KIRREL3: variants seen among roughly 807,000 people sequenced by gnomAD.
KIRREL3 encodes the protein kin of IRRE-like protein 3.
Under a neutral mutation model 89.7 loss-of-function variants are expected in KIRREL3, and 36 were observed. That is an observed-to-expected ratio of 0.40 (90% CI 0.31 to 0.53). The LOEUF (loss-of-function observed/expected upper bound fraction) is 0.53, where lower values mean the gene tolerates loss of function less well. Among genes scored for constraint, KIRREL3 ranks in the 20% least tolerant of loss-of-function variants. KIRREL3 has a pLI of 0.49. For missense variants in KIRREL3, 864 were observed against 1,056.6 expected (o/e 0.82, Z 2.53); for synonymous variants, 445 against 441.4 (o/e 1.01, Z -0.10).
chr11:126,735,619 A>G (rs939068487), intron 1 of KIRREL3, among the ~76,000 whole-genome samples: 2 of 152,246 alleles, frequency 1.3e-5, no homozygotes, highest in African/African-American at 4.8e-5. Flanking sequence ...GGCAGCTGTC[A>G]GGCCCCAGAA....
chr11:126,435,365 T>G (rs2134161130), intron 12 of KIRREL3, 62 bp from the exon 13 acceptor site: 232 of 1,485,744 alleles, frequency 1.6e-4, no homozygotes, highest in Non-Finnish European at 1.9e-4. Flanking sequence ...GGGGTGGGAC[T>G]GGGAATTAGC....
chr11:126,660,923 G>A (rs982250645), intron 1 of KIRREL3, among the ~76,000 whole-genome samples: 5 of 152,182 alleles, frequency 3.3e-5, no homozygotes, highest in Admixed American at 6.5e-5. Context: ...GCAGAGTGAG[G>A]ATGAGATAGA....
rs748237989 is a variant in KIRREL3, at chr11:126,870,302, C to T, written c.55+130153G>A. On this transcript the variant is annotated intron_variant, in intron 1 of 16. Transcript: ENST00000525144. The surrounding 1 kb of genome is among the most constrained non-coding windows in gnomAD (Gnocchi z 4.4). ...GCCTGTGCCATGTACTGCAAGACAG[C>T]TGGGATTGTCATGGACATCAATATG... is the stretch of plus-strand genomic sequence containing the variant. Among the ~76,000 whole-genome samples, 10 of 152,210 alleles carry T rather than the reference C, an allele frequency of 6.6e-5. No individual in the cohort carries two copies. The highest frequency in any genetic ancestry group is 1.3e-4 in the Non-Finnish European group (9 of 68,044).
chr11:126,682,117 T>C lies in KIRREL3; in HGVS notation c.56-119205A>G, dbSNP rs565328445. 1.3e-4 allele frequency: 44 copies of C among 334,498 alleles called. No homozygotes were observed. Among genetic ancestry groups the C allele is most frequent in the South Asian group, 9.8e-4 (40 of 40,884 alleles). The allele number at this position is 334,498 out of a possible 1,614,324, so 20.7% of individuals were successfully genotyped here. On this transcript the variant is annotated intron_variant, in intron 1 of 16. Coordinates refer to ENST00000525144, the MANE Select transcript of KIRREL3 (RefSeq NM_032531.4). This position sits in a 1 kb window ranked among gnomAD's most constrained non-coding sequence, Gnocchi z 4.8. ...CTCCCTCCTGTGACCACCGAAAAGG[T>C]CATATTTAGGACCTGGGTGAAGGAA... is the stretch of plus-strand genomic sequence containing the variant.
chr11:126,886,891 C>T (rs1037760371), intron 1 of KIRREL3, among the ~76,000 whole-genome samples: 6 of 152,146 alleles, frequency 3.9e-5, no homozygotes, highest in Non-Finnish European at 5.9e-5. Context: ...CAGGAAAATT[C>T]ACATTCCAAT....
Position 126,565,479 on chromosome 11 carries a change from G to A in KIRREL3, c.56-2567C>T, listed in dbSNP as rs530727697. ...ATTTGGCTCATTTAATTTGACACGCGTGGGTTAGTCTTAATTATTTAGGCG... is the reference window on the plus strand; with the variant it reads ...ATTTGGCTCATTTAATTTGACACGCATGGGTTAGTCTTAATTATTTAGGCG... On this transcript the variant is annotated intron_variant, in intron 1 of 16. Coordinates refer to ENST00000525144, the MANE Select transcript of KIRREL3 (RefSeq NM_032531.4). This position sits in a 1 kb window ranked among gnomAD's most constrained non-coding sequence, Gnocchi z 5.4. Among the ~76,000 whole-genome samples the A allele has an allele frequency of 5.9e-5, 9 of 152,174 alleles. No individual in the cohort carries two copies. Among genetic ancestry groups the A allele is most frequent in the Admixed American group, 1.3e-4 (2 of 15,284 alleles).
chr11:126,556,253 T>C (rs2134557674), intron 2 of KIRREL3, among the ~76,000 whole-genome samples: 1 of 151,246 alleles, frequency 6.6e-6, no homozygotes, highest in Admixed American at 6.6e-5. Context: ...TGGCATGAGA[T>C]GGAGAGAGGA....
intron 1 of KIRREL3, among the ~76,000 whole-genome samples, chr11:126,921,844 C>T (rs1020061809): frequency 6.7e-6 from 1 of 150,102 alleles, no homozygotes; most frequent in Non-Finnish European, 1.5e-5. Flanking sequence ...TATTATCTAT[C>T]TATCATCTAT....
At chr11:126,701,689 G>C (rs878869710) in intron 1 of KIRREL3, among the ~76,000 whole-genome samples, 1 of 152,110 alleles carries the variant, frequency 6.6e-6, no homozygotes, top group Non-Finnish European at 1.5e-5. Flanking sequence ...GAGGGTGGAG[G>C]AGGTGGGCTG....
chr11:126,746,501 G>A (rs1417611206), intron 1 of KIRREL3, among the ~76,000 whole-genome samples: 1 of 152,078 alleles, frequency 6.6e-6, no homozygotes, highest in African/African-American at 2.4e-5. Context: ...TGACTTGCCA[G>A]ACATCTCTAC....
intron 1 of KIRREL3, among the ~76,000 whole-genome samples, chr11:126,963,264 A>G (rs1023063097): frequency 3.3e-5 from 5 of 151,866 alleles, no homozygotes; most frequent in African/African-American, 1.2e-4. Flanking sequence ...AAATAAAGGA[A>G]GTGTTAGCCT....
At position 126,655,172 on chromosome 11, in the gene KIRREL3, G is replaced by A. The variant is rs1348967075; in HGVS notation, c.56-92260C>T. 6.6e-6 allele frequency among the ~76,000 whole-genome samples: 1 copy of A among 152,212 alleles called. No individual in the cohort carries two copies. The highest frequency in any genetic ancestry group is 2.4e-5 in the African/African-American group (1 of 41,446). On this transcript the variant is annotated intron_variant, in intron 1 of 16. Coordinates refer to ENST00000525144, the MANE Select transcript of KIRREL3 (RefSeq NM_032531.4). The surrounding 1 kb of genome is among the most constrained non-coding windows in gnomAD (Gnocchi z 5.0). ...GATGGAGAAGAAAGTGCAGGGTTGG[G>A]GTACGGGGAAAGGGGTAAGAAAGGA...
chr11:126,674,296 G>A (rs557774342), intron 1 of KIRREL3, among the ~76,000 whole-genome samples: 1 of 152,268 alleles, frequency 6.6e-6, no homozygotes, highest in East Asian at 1.9e-4. Flanking sequence ...GGCATACTAG[G>A]TGATCTCCAT....
At chr11:126,511,077 T>TGTGTGTGTG in intron 4 of KIRREL3, among the ~76,000 whole-genome samples, 3 of 97,122 alleles carry the variant, frequency 3.1e-5, no homozygotes, top group Admixed American at 1.1e-4. Flanking sequence ...GTGTGTGTGT[T>TGTGTGTGTG]GGAGCAGAAC....
chr11:126,796,389 C>A lies in KIRREL3; in HGVS notation c.55+204066G>T, dbSNP rs4935993. Reference sequence around the variant, plus strand: ...TTGGATGGAAGGATCTCATTCTGCCCGTCCTGTCCCGCAGCATTGGGTGTG... The same window carrying A: ...TTGGATGGAAGGATCTCATTCTGCCAGTCCTGTCCCGCAGCATTGGGTGTG... On this transcript the variant is annotated intron_variant, in intron 1 of 16. Coordinates refer to ENST00000525144, the MANE Select transcript of KIRREL3 (RefSeq NM_032531.4). The surrounding 1 kb of genome is among the most constrained non-coding windows in gnomAD (Gnocchi z 5.1). 0.13 allele frequency among the ~76,000 whole-genome samples: 20,254 copies of A among 152,148 alleles called. 1,657 individuals carry two copies. The highest frequency in any genetic ancestry group is 0.24 in the East Asian group (1,258 of 5,156).
rs1465297100 is a variant in KIRREL3, at chr11:126,535,587, G to A, written c.134-8900C>T. ...GGTGCTGGGTCGGGTGTGTGTGTGT[G>A]TGTGTGCACGTGGGTGTGTTTGTCA... On this transcript the variant is annotated intron_variant, in intron 2 of 16. Transcript: ENST00000525144. This position sits in a 1 kb window ranked among gnomAD's most constrained non-coding sequence, Gnocchi z 4.5. Among the ~76,000 whole-genome samples the A allele has an allele frequency of 1.3e-5, 2 of 152,092 alleles. No homozygotes were observed. The highest frequency in any genetic ancestry group is 2.4e-5 in the African/African-American group (1 of 41,410).
intron 1 of KIRREL3, among the ~76,000 whole-genome samples, chr11:126,600,357 C>T (rs1221143649): frequency 6.6e-6 from 1 of 152,270 alleles, no homozygotes. Context: ...CCCATCTAAG[C>T]TGTGCCCAGA....
At position 126,668,426 on chromosome 11, in the gene KIRREL3, C is replaced by G. The variant is rs992200492; in HGVS notation, c.56-105514G>C. On this transcript the variant is annotated intron_variant, in intron 1 of 16. Transcript: ENST00000525144. The surrounding 1 kb of genome is among the most constrained non-coding windows in gnomAD (Gnocchi z 4.4). ...AATATAACCATTCAGAATAAAACAC[C>G]CTGGCTATAGAAGAGAGGTGGCTTT... is the stretch of plus-strand genomic sequence containing the variant. 1.3e-5 allele frequency among the ~76,000 whole-genome samples: 2 copies of G among 152,068 alleles called. No individual in the cohort carries two copies. The highest frequency in any genetic ancestry group is 1.9e-4 in the East Asian group (1 of 5,190).
chr11:126,901,817 A>C (rs531566439), intron 1 of KIRREL3, among the ~76,000 whole-genome samples: 1 of 152,340 alleles, frequency 6.6e-6, no homozygotes, highest in South Asian at 2.1e-4. Context: ...ATGGCTCTGG[A>C]GAGCAAAATC....
Sources: gnomAD v4.1 joint callset for allele counts (sites outside exome capture counted in the v4.1 genomes callset) on GRCh38, gnomAD v4.1.1 for gene constraint, Gnocchi (gnomAD v3.1) non-coding constraint, MANE v1.5 for transcripts, NCBI Gene and HGNC (gene_info 2026-07-23, HGNC 2026-07-21) for gene names.